NAALADL2: variants seen among roughly 807,000 people sequenced by gnomAD.
NAALADL2 encodes inactive N-acetylated-alpha-linked acidic dipeptidase-like protein 2.
A neutral mutation model predicts 87.2 loss-of-function variants in NAALADL2; 76 were observed. The ratio of observed to expected loss-of-function variants is 0.87; its 90% CI spans 0.72 to 1.05. The LOEUF is 1.05. Among genes scored for constraint, NAALADL2 ranks in the 50% least tolerant of loss-of-function variants. The pLI, the probability that NAALADL2 is intolerant of heterozygous loss-of-function variation, is 0.00. For missense variants in NAALADL2, 1,089 were observed against 945.8 expected (o/e 1.15, Z -1.99); for synonymous variants, 354 against 331.0 (o/e 1.07, Z -0.75).
intron 2 of NAALADL2, among the ~76,000 whole-genome samples, chr3:174,601,688 G>A (rs1718474007): frequency 6.6e-6 from 1 of 152,030 alleles, no homozygotes; most frequent in Non-Finnish European, 1.5e-5. Flanking sequence ...GGTTTCCTGT[G>A]CCTGTGGGGT....
intron 1 of NAALADL2, among the ~76,000 whole-genome samples, chr3:174,872,234 G>A (rs1414180955): frequency 1.3e-5 from 2 of 152,056 alleles, no homozygotes; most frequent in Non-Finnish European, 2.9e-5. Flanking sequence ...CTATTTTTAG[G>A]GGATGGGCAT....
chr3:174,441,949 C>T (rs1190990924), intron 1 of NAALADL2, among the ~76,000 whole-genome samples: 1 of 151,864 alleles, frequency 6.6e-6, no homozygotes, highest in African/African-American at 2.4e-5. Context: ...TGCAGTTATC[C>T]CTGCGGAACA....
At chr3:175,376,557 A>G (rs537498266) in intron 5 of NAALADL2, among the ~76,000 whole-genome samples, 1 of 152,164 alleles carries the variant, frequency 6.6e-6, no homozygotes, top group Admixed American at 6.5e-5. Context: ...TTTATTTATT[A>G]TTGACCTTAA....
At chr3:174,577,543 A>G (rs1244072210) in intron 2 of NAALADL2, among the ~76,000 whole-genome samples, 1 of 152,146 alleles carries the variant, frequency 6.6e-6, no homozygotes, top group Non-Finnish European at 1.5e-5. Context: ...TGACCTCTGG[A>G]CTATGAAAAA....
intron 9 of NAALADL2, among the ~76,000 whole-genome samples, chr3:175,492,416 A>G (rs184534700): frequency 5.8e-4 from 89 of 152,296 alleles, no homozygotes; most frequent in African/African-American, 2.1e-3. Flanking sequence ...GTATCTTAGA[A>G]AGAAAGACAT....
intron 2 of NAALADL2, among the ~76,000 whole-genome samples, chr3:174,726,485 T>A (rs1043346732): frequency 6.6e-6 from 1 of 152,152 alleles, no homozygotes; most frequent in Admixed American, 6.6e-5. Context: ...TGTATTTAAA[T>A]ATTATTTGTC....
intron 1 of NAALADL2, among the ~76,000 whole-genome samples, chr3:174,499,381 A>G (rs1436673637): frequency 1.3e-5 from 2 of 151,952 alleles, no homozygotes; most frequent in African/African-American, 2.4e-5. Context: ...TTGTCTTTTC[A>G]TTGTTTTAAC....
chr3:175,304,632 G>T (rs1437370041), intron 4 of NAALADL2, among the ~76,000 whole-genome samples: 1 of 152,156 alleles, frequency 6.6e-6, no homozygotes, highest in Admixed American at 6.5e-5. Context: ...CTCAGCAGCT[G>T]CCAGACCAGA....
intron 1 of NAALADL2, among the ~76,000 whole-genome samples, chr3:175,064,976 T>C (rs1194257372): frequency 6.6e-6 from 1 of 152,166 alleles, no homozygotes; most frequent in East Asian, 1.9e-4. Flanking sequence ...TAATCACTTA[T>C]TGATTTAAAA....
At chr3:175,417,267 G>A (rs910040949) in intron 5 of NAALADL2, among the ~76,000 whole-genome samples, 1 of 151,698 alleles carries the variant, frequency 6.6e-6, no homozygotes, top group African/African-American at 2.4e-5. Flanking sequence ...AGAAGCAGAA[G>A]AAAGTAAATA....
intron 11 of NAALADL2, among the ~76,000 whole-genome samples, chr3:175,664,490 A>T (rs552350233): frequency 1.5e-3 from 226 of 152,220 alleles, no homozygotes; most frequent in African/African-American, 5.0e-3. Context: ...CTAGTTTTTA[A>T]CTTTATTAAT....
intron 1 of NAALADL2, among the ~76,000 whole-genome samples, chr3:174,498,512 A>T (rs1419757640): frequency 6.6e-6 from 1 of 151,684 alleles, no homozygotes. Flanking sequence ...ACATTCATGT[A>T]TAAGACTGTG....
In NAALADL2 at chr3:175,070,518, G is replaced by T. The variant is rs933929649; in HGVS notation, c.44-26272G>T. 2.2e-4 allele frequency among the ~76,000 whole-genome samples: 34 copies of T among 152,120 alleles called. 1 individual carries two copies. In the East Asian group the frequency reaches 6.4e-3, roughly 29 times the overall value. On this transcript the variant is annotated intron_variant, in intron 1 of 13. Coordinates refer to ENST00000454872, the MANE Select transcript of NAALADL2 (RefSeq NM_207015.3). ...TTCAGCTCATTGATGAAGTAAAGTGGCTGGCTTTTAAAAATTGATAACCTT... is the reference window on the plus strand; with the variant it reads ...TTCAGCTCATTGATGAAGTAAAGTGTCTGGCTTTTAAAAATTGATAACCTT...
intron 1 of NAALADL2, among the ~76,000 whole-genome samples, chr3:175,074,962 T>C (rs1716327320): frequency 6.6e-6 from 1 of 151,970 alleles, no homozygotes; most frequent in African/African-American, 2.4e-5. Context: ...GACAAAAGTA[T>C]TTATGAAAAA....
Position 175,805,469 on chromosome 3 carries a change from C to A in NAALADL2, c.*2266C>A, listed in dbSNP as rs1046974315. 5 of 151,778 alleles carry A rather than the reference C, an allele frequency of 3.3e-5. No individual in the cohort carries two copies. In the East Asian group the frequency reaches 9.7e-4, roughly 29 times the overall value. 9.4% of individuals were successfully genotyped at this position (151,778 alleles called of 1,614,324 possible). A position where few individuals can be genotyped will look rare whatever the true frequency, so the allele number is the denominator to read the frequency against. ...GATATTAAATTATACCTAAAGCAGA[C>A]GTCCAACAAATTCTGTACATGCTGC... On this transcript the variant is annotated 3_prime_UTR_variant, in exon 14 of 14. Transcript: ENST00000454872.
chr3:175,700,921 C>T (rs1481353527), intron 11 of NAALADL2, among the ~76,000 whole-genome samples: 2 of 152,002 alleles, frequency 1.3e-5, no homozygotes, highest in Non-Finnish European at 2.9e-5. Context: ...GAGGAACCAT[C>T]AAGAAAATTT....
At chr3:175,272,047 G>A (rs1581212000) in intron 4 of NAALADL2, among the ~76,000 whole-genome samples, 2 of 151,922 alleles carry the variant, frequency 1.3e-5, no homozygotes, top group Middle Eastern at 3.2e-3. Context: ...TTTAGATCAC[G>A]TTAGCCCCTG....
intron 11 of NAALADL2, among the ~76,000 whole-genome samples, chr3:175,628,807 A>T (rs1316379930): frequency 6.6e-6 from 1 of 150,686 alleles, no homozygotes; most frequent in Admixed American, 6.6e-5. Flanking sequence ...TGAGTTCGGA[A>T]TACAAAGACT....
intron 1 of NAALADL2, among the ~76,000 whole-genome samples, chr3:174,513,808 C>T (rs545764017): frequency 6.6e-6 from 1 of 152,274 alleles, no homozygotes; most frequent in African/African-American, 2.4e-5. Context: ...GTAGGACTAA[C>T]AAAGAATTTC....
Sources: gnomAD v4.1 joint callset for allele counts (sites outside exome capture counted in the v4.1 genomes callset) on GRCh38, gnomAD v4.1.1 for gene constraint, MANE v1.5 for transcripts, NCBI Gene and HGNC (gene_info 2026-07-23, HGNC 2026-07-21) for gene names.